The following PUDP variants were observed in gnomAD, a reference collection of about 807,000 sequenced individuals.
The protein encoded by PUDP is pseudouridine-5'-phosphatase.
A neutral mutation model predicts 9.4 loss-of-function variants in PUDP; 8 were observed. That is an observed-to-expected ratio of 0.85 (90% CI 0.50 to 1.53). PUDP has a LOEUF of 1.53. Among genes scored for constraint, PUDP ranks in the 40% most tolerant of loss-of-function variants. The pLI, the probability that PUDP is intolerant of heterozygous loss-of-function variation, is 0.00. For missense variants in PUDP, 188 were observed against 189.7 expected (o/e 0.99, Z 0.05); for synonymous variants, 99 against 80.7 (o/e 1.23, Z -1.22).
chrX:6,887,523 G>A (rs893612063), intron 3 of PUDP, among the ~76,000 whole-genome samples: 27 of 110,638 alleles, frequency 2.4e-4, no homozygotes, highest in African/African-American at 7.6e-4. Context: ...AGGTGCACCT[G>A]AATGTCTATG....
chrX:6,813,932 T>C (rs1448072578), intron 3 of PUDP, among the ~76,000 whole-genome samples: 5 of 110,973 alleles, frequency 4.5e-5, no homozygotes, highest in Non-Finnish European at 9.4e-5. Context: ...CGTGAAGGAG[T>C]CACATCTGGG....
chrX:7,064,036 G>A (rs1348925712), intron 3 of PUDP, among the ~76,000 whole-genome samples: 1 of 112,021 alleles, frequency 8.9e-6, no homozygotes, highest in Admixed American at 9.4e-5. Context: ...GAATGGCTGC[G>A]TAATTCATCC....
rs1389513565 is a variant in PUDP at position 7,050,435 on chromosome X, G to A, written c.548C>T (p.Ala183Val). The A allele has an allele frequency of 9.9e-6, 12 of 1,211,037 alleles. No individual in the cohort carries two copies. Among genetic ancestry groups the A allele is most frequent in the African/African-American group, 1.7e-5 (1 of 57,860 alleles). The change falls in exon 4 of 4, where the codon GCG (alanine) becomes GTG (valine). Residue 183 changes from alanine (A) to valine (V), a missense_variant. By Grantham distance (64) the Ala-to-Val change is moderately conservative (BLOSUM62 0). Coordinates refer to ENST00000381077, the MANE Select transcript of PUDP (RefSeq NM_012080.5). ...VFEDAPNGVE[A>V]ALAAGMQVVM... ...CACCTGCATCCCAGCTGCCAGGGCC[G>A]CCTCCACCCCATTGGGAGCATCTTC...
upstream of PUDP, among the ~76,000 whole-genome samples, chrX:6,726,446 G>A (rs1229121227): frequency 9.0e-6 from 1 of 111,578 alleles, no homozygotes; most frequent in Non-Finnish European, 1.9e-5. Flanking sequence ...TTCCCAACAC[G>A]AAGAAATGAT....
At chrX:6,833,273 G>A (rs1602638377) in intron 3 of PUDP, among the ~76,000 whole-genome samples, 1 of 111,950 alleles carries the variant, frequency 8.9e-6, no homozygotes, top group East Asian at 2.8e-4. Flanking sequence ...AAGAAAGGAT[G>A]AATGGATGGA....
At chrX:6,726,880 A>AT (rs1409657836) in intron 3 of PUDP, among the ~76,000 whole-genome samples, 1 of 111,728 alleles carries the variant, frequency 9.0e-6, no homozygotes, top group Non-Finnish European at 1.9e-5. Flanking sequence ...ATCAATTTCA[A>AT]TTTTTTTACA....
chrX:6,868,065 G>A (rs745431180), intron 3 of PUDP, among the ~76,000 whole-genome samples: 1 of 111,672 alleles, frequency 9.0e-6, no homozygotes, highest in East Asian at 2.8e-4. Flanking sequence ...TCCAACACAT[G>A]ACCTTTGGGG....
chrX:6,765,216 G>A (rs1337259605), intron 3 of PUDP, among the ~76,000 whole-genome samples: 2 of 111,274 alleles, frequency 1.8e-5, no homozygotes, highest in Non-Finnish European at 3.8e-5. Context: ...GGAGGCAAAG[G>A]TTGCAGTGAG....
chrX:6,803,117 T>C lies in PUDP; in HGVS notation c.*248-96651A>G, dbSNP rs372819469. ...TAAAATAAAATAAAATAAAATAAAA[T>C]AAAACAAAATAAAATAAAATAACTA... On this transcript the variant is annotated intron_variant and NMD_transcript_variant, in intron 3 of 3. Coordinates refer to the PUDP transcript ENST00000655425. 6.8e-4 allele frequency among the ~76,000 whole-genome samples: 69 copies of C among 100,752 alleles called. No homozygotes were observed. In the South Asian group the frequency reaches 0.012, roughly 18 times the overall value. 87.5% of individuals were successfully genotyped at this position (100,752 alleles called of 115,157 possible). A position where few individuals can be genotyped will look rare whatever the true frequency, so the allele number is the denominator to read the frequency against.
chrX:7,077,249 T>TCTTGGCAC lies in PUDP; in HGVS notation c.473_480dup (p.Arg161ValfsTer42). ...TCCATAGCAGGAGGGGGAGAGAACC[T>TCTTGGCAC]CTTGGCACAAGCTAGGAAGATGTCC... On this transcript the variant is annotated frameshift_variant, in exon 3 of 4. Transcript: ENST00000381077. LOFTEE classifies it low-confidence loss of function (END_TRUNC). 8.3e-7 allele frequency: 1 copy of TCTTGGCAC among 1,199,572 alleles called. No individual in the cohort carries two copies. The highest frequency in any genetic ancestry group is 1.1e-6 in the Non-Finnish European group (1 of 889,395).
chrX:6,722,024 G>T (rs1204405198), upstream of PUDP, among the ~76,000 whole-genome samples: 2 of 110,787 alleles, frequency 1.8e-5, no homozygotes, highest in Non-Finnish European at 3.8e-5. Flanking sequence ...GCAGAAATTT[G>T]GTGTACAACG....
chrX:6,772,098 T>G (rs1925372906), intron 3 of PUDP, among the ~76,000 whole-genome samples: 2 of 112,107 alleles, frequency 1.8e-5, no homozygotes, highest in Middle Eastern at 4.2e-3. Context: ...TAAAAAACGT[T>G]TGGGGCAATG....
chrX:6,754,338 G>A lies in PUDP; in HGVS notation c.*248-47872C>T, dbSNP rs779944586. ...TGCCTTTGCTCCTCCTTTGCCTCCC[G>A]CCATGATTGTGAGGCCTCCCCAGCC... On this transcript the variant is annotated intron_variant and NMD_transcript_variant, in intron 3 of 3. Coordinates refer to the PUDP transcript ENST00000655425. 9.9e-5 allele frequency among the ~76,000 whole-genome samples: 11 copies of A among 110,887 alleles called. No homozygotes were observed. The South Asian group carries it at 2.3e-3, about 23-fold the overall frequency.
intron 3 of PUDP, among the ~76,000 whole-genome samples, chrX:6,737,717 T>C (rs1280139147): frequency 1.8e-5 from 2 of 110,835 alleles, no homozygotes; most frequent in Non-Finnish European, 3.8e-5. Flanking sequence ...TCGTAGGATA[T>C]TGAGAAGTAT....
intron 1 of PUDP, among the ~76,000 whole-genome samples, chrX:7,011,063 C>T (rs1416875582): frequency 1.8e-5 from 2 of 112,148 alleles, no homozygotes; most frequent in Admixed American, 1.9e-4. Context: ...ATGATTGGGG[C>T]AAATGTGCCC....
chrX:6,775,528 T>C (rs867764826), intron 3 of PUDP, among the ~76,000 whole-genome samples: 19 of 81,625 alleles, frequency 2.3e-4, no homozygotes, highest in Admixed American at 7.8e-4. Flanking sequence ...CACACACACA[T>C]ATATGTATAT....
intron 2 of PUDP, among the ~76,000 whole-genome samples, chrX:7,083,177 G>C (rs1409822422): frequency 1.8e-5 from 2 of 112,026 alleles, no homozygotes; most frequent in African/African-American, 6.5e-5. Flanking sequence ...GTTATTAGAA[G>C]TTGCTGAGTT....
chrX:7,102,370 T>G (rs1276885902), intron 2 of PUDP, among the ~76,000 whole-genome samples: 1 of 107,190 alleles, frequency 9.3e-6, no homozygotes, highest in Non-Finnish European at 1.9e-5. Flanking sequence ...AAAACGCATT[T>G]GAAAAGCTCC....
intron 1 of PUDP, among the ~76,000 whole-genome samples, chrX:7,015,483 A>G (rs1425605743): frequency 1.8e-5 from 2 of 111,843 alleles, no homozygotes; most frequent in Non-Finnish European, 3.8e-5. Context: ...ATTCTATTTC[A>G]GGAAGGGCGA....
Sources: gnomAD v4.1 joint callset for allele counts (sites outside exome capture counted in the v4.1 genomes callset) on GRCh38, gnomAD v4.1.1 for gene constraint, MANE v1.5 for transcripts, NCBI Gene and HGNC (gene_info 2026-07-23, HGNC 2026-07-21) for gene names.